The following FAM180A variants were observed in gnomAD, a reference collection of about 807,000 sequenced individuals.
The protein encoded by FAM180A is family with sequence similarity 180 member A, also known as protein FAM180A.
FAM180A carries 14 observed loss-of-function variants against 15.3 expected under a neutral mutation model. The ratio of observed to expected loss-of-function variants is 0.92; its 90% CI spans 0.61 to 1.43. FAM180A has a LOEUF of 1.43. FAM180A is among the 40% of genes most tolerant of loss of function. FAM180A has a pLI of 0.00. For missense variants in FAM180A, 200 were observed against 220.8 expected, an observed-to-expected ratio of 0.91 and a Z score of 0.60; for synonymous variants, 90 against 96.8, an observed-to-expected ratio of 0.93 and a Z score of 0.41.
Position 135,737,085 on chromosome 7 carries a change from T to C in FAM180A, c.177+14A>G. On this transcript the variant is annotated intron_variant, in intron 2 of 3. Coordinates refer to ENST00000338588, the MANE Select transcript of FAM180A (RefSeq NM_205855.4). ...TTTGGGTGACTTGGATTGAGCATGT[T>C]CCCCTCTGCCTACCTCGTAGAGCAG... The C allele has an allele frequency of 6.3e-7, 1 of 1,595,138 alleles. No homozygotes were observed. Among genetic ancestry groups the C allele is most frequent in the Non-Finnish European group, 8.6e-7 (1 of 1,164,846 alleles).
intron 1 of FAM180A, among the ~76,000 whole-genome samples, chr7:135,740,780 C>T (rs1409162486): frequency 1.3e-5 from 2 of 152,004 alleles, no homozygotes; most frequent in African/African-American, 2.4e-5. Context: ...ATGAGTTGGT[C>T]CTAGGTCAAG....
At chr7:135,735,199 G>A (rs6958210) in intron 2 of FAM180A, among the ~76,000 whole-genome samples, 63,296 of 152,020 alleles carry the variant, frequency 0.42, 13,320 homozygotes, top group Middle Eastern at 0.54. Flanking sequence ...CCACTACCCC[G>A]AGCCAAATGA....
intron 1 of FAM180A, among the ~76,000 whole-genome samples, chr7:135,742,846 A>T (rs955480565): frequency 1.3e-5 from 2 of 152,230 alleles, no homozygotes; most frequent in African/African-American, 2.4e-5. Flanking sequence ...CATTTTATAG[A>T]TGAAGAAACT....
chr7:135,733,690 A>G lies in FAM180A; in HGVS notation c.*285T>C. On this transcript the variant is annotated 3_prime_UTR_variant, in exon 3 of 4. Coordinates refer to ENST00000338588, the MANE Select transcript of FAM180A (RefSeq NM_205855.4). ...TGTGGCCACTGCTCTGGGTTGAAGC[A>G]TATCAGAATTCTGCCTGCCATAGGC... 2 of 1,220,924 alleles carry G rather than the reference A, an allele frequency of 1.6e-6. No individual in the cohort carries two copies. Among genetic ancestry groups the G allele is most frequent in the Middle Eastern group, 3.2e-4 (1 of 3,124 alleles). The allele number at this position is 1,220,924 out of a possible 1,614,324, so 75.6% of individuals were successfully genotyped here.
rs192337343 is a variant in FAM180A, at chr7:135,736,137, C to T, written c.177+962G>A. 1.9e-3 allele frequency among the ~76,000 whole-genome samples: 285 copies of T among 152,096 alleles called. 2 individuals are homozygous for T. Among genetic ancestry groups the T allele is most frequent in the African/African-American group, 6.6e-3 (272 of 41,474 alleles). ...TCCCGGGTTCCAGTGATTCTCCTGC[C>T]TCAGCCTCCTGAGTGGCTGGGATTA... On this transcript the variant is annotated intron_variant, in intron 2 of 3. Transcript: ENST00000338588.
intron 1 of FAM180A, among the ~76,000 whole-genome samples, chr7:135,743,091 T>C (rs1796975254): frequency 6.6e-6 from 1 of 152,228 alleles, no homozygotes; most frequent in South Asian, 2.1e-4. Flanking sequence ...GAAAACGTAT[T>C]CTTAAGTGGA....
chr7:135,746,722 C>G (rs994112502), intron 1 of FAM180A, among the ~76,000 whole-genome samples: 1 of 152,122 alleles, frequency 6.6e-6, no homozygotes, highest in Non-Finnish European at 1.5e-5. Flanking sequence ...CAAGTGCTAC[C>G]TCAAAGTTTG....
chr7:135,735,433 G>A (rs1342839955), intron 2 of FAM180A, among the ~76,000 whole-genome samples: 1 of 152,228 alleles, frequency 6.6e-6, no homozygotes, highest in African/African-American at 2.4e-5. Context: ...CGTGGGAGCT[G>A]GGTCTGCCAT....
rs1796826387 is a variant in FAM180A, at chr7:135,733,732, G to A, written c.*243C>T. 1 of 1,326,722 alleles carries A rather than the reference G, an allele frequency of 7.5e-7. No individual in the cohort carries two copies. Among genetic ancestry groups the A allele is most frequent in the Admixed American group, 3.6e-5 (1 of 27,706 alleles). The allele number at this position is 1,326,722 out of a possible 1,614,324, so 82.2% of individuals were successfully genotyped here. ...GCCATAGGCAAACCATTCTGCCCATGGAGGCGTCTTGAATGACCATTCCAG... is the reference window on the plus strand; with the variant it reads ...GCCATAGGCAAACCATTCTGCCCATAGAGGCGTCTTGAATGACCATTCCAG... On this transcript the variant is annotated 3_prime_UTR_variant, in exon 3 of 4. Coordinates refer to ENST00000338588, the MANE Select transcript of FAM180A (RefSeq NM_205855.4).
intron 1 of FAM180A, among the ~76,000 whole-genome samples, chr7:135,742,883 C>G (rs1365381092): frequency 1.3e-5 from 2 of 152,142 alleles, no homozygotes; most frequent in African/African-American, 2.4e-5. Context: ...TGCCCTAGGC[C>G]ATCCAATTTA....
intron 1 of FAM180A, among the ~76,000 whole-genome samples, chr7:135,738,225 TC>T (rs2129496055): frequency 6.9e-6 from 1 of 144,932 alleles, no homozygotes; most frequent in African/African-American, 2.9e-5. Context: ...GGAGTCTTGC[TC>T]TGTTGCCCAG....
intron 1 of FAM180A, among the ~76,000 whole-genome samples, chr7:135,745,255 A>G (rs1285730576): frequency 1.3e-5 from 2 of 152,232 alleles, no homozygotes; most frequent in Non-Finnish European, 2.9e-5. Context: ...TGAAAATGAC[A>G]TAAGGTCCAC....
intron 1 of FAM180A, among the ~76,000 whole-genome samples, 162 bp from the exon 2 acceptor site, chr7:135,737,361 C>A (rs140040165): frequency 1.3e-5 from 2 of 151,872 alleles, no homozygotes; most frequent in African/African-American, 2.4e-5. Flanking sequence ...CCGAGGCGGG[C>A]GGATCACCTG....
chr7:135,730,593 A>G (rs182941381), intron 3 of FAM180A, among the ~76,000 whole-genome samples: 39 of 152,302 alleles, frequency 2.6e-4, no homozygotes, highest in African/African-American at 9.1e-4. Flanking sequence ...GTCAGCAGAA[A>G]TGGTTACATA....
chr7:135,734,301 CA>C lies in FAM180A; in HGVS notation c.195del (p.Glu66ArgfsTer63). The C allele has an allele frequency of 6.3e-7, 1 of 1,594,504 alleles. No homozygotes were observed. The highest frequency in any genetic ancestry group is 8.6e-7 in the Non-Finnish European group (1 of 1,168,736). ...GAGATCTGCAGGTCAGGGCTGATCT[CA>C]AGTTCGGCCAGCAGGAACTGGTGAG... Reference protein sequence around the residue: ...ELLYEFLLAELEISPDLQISI... With the variant: ...ELLYEFLLAEXEISPDLQISI... On this transcript the variant is annotated frameshift_variant, in exon 3 of 4. Transcript: ENST00000338588. LOFTEE classifies it high-confidence loss of function.
chr7:135,729,859 G>C lies in FAM180A; in HGVS notation c.*752C>G, dbSNP rs1796756232. On this transcript the variant is annotated 3_prime_UTR_variant, in exon 4 of 4. Coordinates refer to ENST00000338588, the MANE Select transcript of FAM180A (RefSeq NM_205855.4). ...AAGAGCTGGGGCAGGCAGGGGGAAG[G>C]GGAAAAGAGGAGTTGTTCGGTGGGT... 11 of 763,962 alleles carry C rather than the reference G, an allele frequency of 1.4e-5. No homozygotes were observed. The highest frequency in any genetic ancestry group is 1.8e-5 in the Non-Finnish European group (11 of 628,216). The allele number at this position is 763,962 out of a possible 1,614,324, so 47.3% of individuals were successfully genotyped here. A position where few individuals can be genotyped will look rare whatever the true frequency, so the allele number is the denominator to read the frequency against.
At chr7:135,739,485 G>T (rs540482396) in intron 1 of FAM180A, among the ~76,000 whole-genome samples, 1 of 151,166 alleles carries the variant, frequency 6.6e-6, no homozygotes, top group Admixed American at 6.6e-5. Context: ...GGTGGCAGGC[G>T]CCCGTAGTCC....
chr7:135,746,548 G>A (rs918171840), intron 1 of FAM180A, among the ~76,000 whole-genome samples: 17 of 152,144 alleles, frequency 1.1e-4, no homozygotes, highest in Non-Finnish European at 7.3e-5. Context: ...TGTGGCTATC[G>A]TGTTTACAAA....
chr7:135,744,142 TGGA>T (rs1160435658), intron 1 of FAM180A, among the ~76,000 whole-genome samples: 1 of 152,210 alleles, frequency 6.6e-6, no homozygotes, highest in Non-Finnish European at 1.5e-5. Flanking sequence ...GGCACTCCAA[TGGA>T]GTAGCCTGCC....
Sources: gnomAD v4.1 joint callset for allele counts (sites outside exome capture counted in the v4.1 genomes callset) on GRCh38, gnomAD v4.1.1 for gene constraint, MANE v1.5 for transcripts, NCBI Gene and HGNC (gene_info 2026-07-23, HGNC 2026-07-21) for gene names.